The following KCNMB2 variants were observed in gnomAD, a reference collection of about 807,000 sequenced individuals.
The protein encoded by KCNMB2 is potassium calcium-activated channel subfamily M regulatory beta subunit 2, also known as calcium-activated potassium channel subunit beta-2.
KCNMB2 carries 9 observed loss-of-function variants against 24.5 expected under a neutral mutation model. The ratio of observed to expected loss-of-function variants is 0.37; its 90% CI spans 0.22 to 0.64. The LOEUF (loss-of-function observed/expected upper bound fraction) is 0.64. Ranked by LOEUF, KCNMB2 falls within the 30% of genes least tolerant of loss-of-function variation. The probability of loss-of-function intolerance (pLI) is 0.63; values close to 1 mark genes in which losing one functional copy is unlikely to be tolerated. For missense variants in KCNMB2, 226 were observed against 284.3 expected, an observed-to-expected ratio of 0.79 and a Z score of 1.47; for synonymous variants, 109 against 104.4, an observed-to-expected ratio of 1.04 and a Z score of -0.27.
intron 1 of KCNMB2, among the ~76,000 whole-genome samples, chr3:178,603,672 C>A (rs999000845): frequency 6.6e-6 from 1 of 152,008 alleles, no homozygotes; most frequent in Admixed American, 6.6e-5. Flanking sequence ...AGAGTTGAGA[C>A]CATAGGGAGA....
intron 1 of KCNMB2, among the ~76,000 whole-genome samples, chr3:178,627,403 T>C (rs1189502517): frequency 6.6e-6 from 1 of 152,176 alleles, no homozygotes; most frequent in Non-Finnish European, 1.5e-5. Context: ...AGGAGAACAG[T>C]TTTATGTACA....
At chr3:178,553,781 C>A (rs529431407) in intron 1 of KCNMB2, among the ~76,000 whole-genome samples, 2 of 152,128 alleles carry the variant, frequency 1.3e-5, no homozygotes, top group Admixed American at 6.5e-5. Context: ...CTCAAGGGAT[C>A]TGCCTGTCTT....
rs571227754 is a variant in KCNMB2, at chr3:178,696,446, G to A, written c.-67-110897G>A. On this transcript the variant is annotated intron_variant, in intron 1 of 4. Transcript: ENST00000452583. ...TTCTGTGAGGTGACTGGTAATATCC[G>A]CCTTGTCATTTCTGATTGTGTTTAT... Among the ~76,000 whole-genome samples the A allele has an allele frequency of 1.6e-4, 24 of 152,110 alleles. 1 individual carries two copies. Among genetic ancestry groups the A allele is most frequent in the South Asian group, 1.2e-3 (6 of 4,806 alleles).
intron 1 of KCNMB2, among the ~76,000 whole-genome samples, chr3:178,673,217 G>C (rs777878548): frequency 2.6e-5 from 4 of 151,986 alleles, no homozygotes; most frequent in Non-Finnish European, 5.9e-5. Flanking sequence ...ATCTGTGCTT[G>C]TACCCTTCAG....
intron 1 of KCNMB2, among the ~76,000 whole-genome samples, chr3:178,648,544 A>AAAAAC (rs141163379): frequency 3.9e-5 from 6 of 152,300 alleles, no homozygotes; most frequent in African/African-American, 7.2e-5. Context: ...TCTGTCTCTT[A>AAAAAC]AAAACAAAAC....
intron 1 of KCNMB2, among the ~76,000 whole-genome samples, chr3:178,782,998 T>C (rs1461941967): frequency 0.051 from 6,586 of 128,720 alleles, 238 homozygotes; most frequent in Admixed American, 0.075. Context: ...CCAGTTTCAG[T>C]TTTCTACATA....
chr3:178,746,902 A>C (rs1317664015), intron 1 of KCNMB2: 2 of 152,508 alleles, frequency 1.3e-5, no homozygotes, highest in African/African-American at 2.4e-5. Flanking sequence ...TTTTTGTCAA[A>C]GCCATTCAAC....
chr3:178,807,833 C>T (rs78857524), intron 2 of KCNMB2, among the ~76,000 whole-genome samples: 3,341 of 151,926 alleles, frequency 0.022, 141 homozygotes, highest in African/African-American at 0.077. Flanking sequence ...TGGCACATGG[C>T]GCTCAATAAA....
chr3:178,742,321 C>T (rs894314734), intron 1 of KCNMB2, among the ~76,000 whole-genome samples: 2 of 152,172 alleles, frequency 1.3e-5, no homozygotes, highest in Non-Finnish European at 2.9e-5. Flanking sequence ...TACACCTGCA[C>T]ACCTATGTCT....
At chr3:178,828,739 G>A (rs1181591501) in intron 4 of KCNMB2, among the ~76,000 whole-genome samples, 1 of 152,108 alleles carries the variant, frequency 6.6e-6, no homozygotes, top group Non-Finnish European at 1.5e-5. Flanking sequence ...TCAGGTAAAG[G>A]TGTATTCTGT....
chr3:178,741,108 AT>A (rs1231615549), intron 1 of KCNMB2, among the ~76,000 whole-genome samples: 1 of 152,194 alleles, frequency 6.6e-6, no homozygotes, highest in Non-Finnish European at 1.5e-5. Context: ...ATAAATGAAC[AT>A]GTTTGTCCAT....
intron 1 of KCNMB2, among the ~76,000 whole-genome samples, chr3:178,756,320 G>C (rs1258065976): frequency 1.3e-5 from 2 of 151,620 alleles, no homozygotes; most frequent in Non-Finnish European, 2.9e-5. Flanking sequence ...CTCATTATTT[G>C]CATTATTTAT....
chr3:178,756,264 G>C (rs1724035687), intron 1 of KCNMB2, among the ~76,000 whole-genome samples: 1 of 151,848 alleles, frequency 6.6e-6, no homozygotes, highest in African/African-American at 2.4e-5. Flanking sequence ...ATGCGTGTGT[G>C]TGTGTTTGTG....
chr3:178,651,679 G>A (rs1207220561), intron 1 of KCNMB2, among the ~76,000 whole-genome samples: 1 of 152,078 alleles, frequency 6.6e-6, no homozygotes, highest in Non-Finnish European at 1.5e-5. Flanking sequence ...TATACTACAA[G>A]GCTACAGTAA....
intron 1 of KCNMB2, among the ~76,000 whole-genome samples, chr3:178,702,409 T>C (rs1245715895): frequency 1.3e-5 from 2 of 151,414 alleles, no homozygotes; most frequent in Non-Finnish European, 2.9e-5. Flanking sequence ...TGTGCACATG[T>C]ACCCTAGAAC....
intron 1 of KCNMB2, chr3:178,537,475 A>T (rs1291365511): frequency 6.6e-6 from 1 of 152,228 alleles, no homozygotes; most frequent in Non-Finnish European, 1.5e-5. Flanking sequence ...TTTTTAAATG[A>T]ACAGCATAAA....
At chr3:178,738,954 C>A (rs1723405844) in intron 1 of KCNMB2, among the ~76,000 whole-genome samples, 1 of 151,956 alleles carries the variant, frequency 6.6e-6, no homozygotes, top group Admixed American at 6.6e-5. Flanking sequence ...TGTTTCCCAA[C>A]ATGTAGAAAA....
chr3:178,754,177 T>TATATATACAC (rs1435109631), intron 1 of KCNMB2, among the ~76,000 whole-genome samples: 1,859 of 116,944 alleles, frequency 0.016, 18 homozygotes, highest in Non-Finnish European at 0.022. Flanking sequence ...TATATATATA[T>TATATATACAC]ACACACACAC....
At chr3:178,678,884 T>C (rs1721163075) in intron 1 of KCNMB2, among the ~76,000 whole-genome samples, 1 of 152,198 alleles carries the variant, frequency 6.6e-6, no homozygotes, top group Non-Finnish European at 1.5e-5. Flanking sequence ...AAGAGATCCA[T>C]AGACCTTTCC....
Sources: allele counts gnomAD v4.1 joint callset (sites outside exome capture counted in the v4.1 genomes callset), GRCh38; gene constraint gnomAD v4.1.1; transcripts MANE v1.5; gene names NCBI Gene and HGNC (gene_info 2026-07-23, HGNC 2026-07-21).